Variants in CNTN5 observed in about 807,000 individuals in gnomAD.
CNTN5 encodes contactin-5.
Under a neutral mutation model 129.1 loss-of-function variants are expected in CNTN5, and 77 were observed. The observed-to-expected ratio is 0.60, with a 90% CI of 0.50 to 0.72. The LOEUF is 0.72. Ranked by LOEUF, CNTN5 falls within the 30% of genes least tolerant of loss-of-function variation. CNTN5 has a pLI of 0.00. For synonymous variants in CNTN5, 509 were observed against 465.6 expected (o/e 1.09, Z -1.20); for missense variants, 1,478 against 1,328.8 (o/e 1.11, Z -1.75).
At chr11:99,950,737 A>G (rs1249973565) in intron 7 of CNTN5, among the ~76,000 whole-genome samples, 4 of 152,194 alleles carry the variant, frequency 2.6e-5, no homozygotes, top group African/African-American at 4.8e-5. Context: ...CATGTTGAAC[A>G]CTCATTTAAG....
intron 3 of CNTN5, among the ~76,000 whole-genome samples, chr11:99,721,553 C>A (rs567210155): frequency 1.6e-4 from 24 of 152,196 alleles, no homozygotes; most frequent in African/African-American, 4.6e-4. Flanking sequence ...TAGGCAGTAC[C>A]ATCCTGGGCA....
At chr11:100,065,948 T>G (rs1342470834) in intron 10 of CNTN5, among the ~76,000 whole-genome samples, 1 of 152,100 alleles carries the variant, frequency 6.6e-6, no homozygotes, top group Non-Finnish European at 1.5e-5. Flanking sequence ...CTCTAGGAAA[T>G]GATATAAAAT....
At chr11:100,124,129 G>A (rs890724820) in intron 13 of CNTN5, among the ~76,000 whole-genome samples, 4 of 151,898 alleles carry the variant, frequency 2.6e-5, no homozygotes, top group African/African-American at 9.7e-5. Flanking sequence ...CCCTCTGAGG[G>A]CAGTACTGTT....
chr11:99,349,481 T>G (rs1938138455), intron 2 of CNTN5, among the ~76,000 whole-genome samples: 1 of 152,198 alleles, frequency 6.6e-6, no homozygotes, highest in Non-Finnish European at 1.5e-5. Context: ...TAATCTGACT[T>G]AGTCCTTACG....
intron 3 of CNTN5, among the ~76,000 whole-genome samples, chr11:99,743,412 GTAA>G (rs1020643758): frequency 2.0e-5 from 3 of 152,148 alleles, no homozygotes; most frequent in Non-Finnish European, 2.9e-5. Flanking sequence ...GAGGAAGTGT[GTAA>G]TAGTAGAACC....
intron 1 of CNTN5, among the ~76,000 whole-genome samples, chr11:99,251,597 A>G (rs192929162): frequency 2.0e-5 from 3 of 151,978 alleles, no homozygotes; most frequent in Non-Finnish European, 4.4e-5. Context: ...TTTCTCACCT[A>G]CGTAAGTATC....
At chr11:99,161,840 C>T (rs112885753) in intron 1 of CNTN5, among the ~76,000 whole-genome samples, 4,978 of 152,162 alleles carry the variant, frequency 0.033, 114 homozygotes, top group South Asian at 0.065. Flanking sequence ...ATCATATTGC[C>T]ACTGAGACTA....
At chr11:99,469,382 G>A (rs866547655) in intron 2 of CNTN5, among the ~76,000 whole-genome samples, 6 of 151,940 alleles carry the variant, frequency 3.9e-5, no homozygotes, top group Admixed American at 2.6e-4. Flanking sequence ...CTTACAGTCC[G>A]TAGAGATTGT....
chr11:100,133,320 A>T (rs1383047943), intron 13 of CNTN5, among the ~76,000 whole-genome samples: 2 of 152,080 alleles, frequency 1.3e-5, no homozygotes, highest in Non-Finnish European at 2.9e-5. Flanking sequence ...GAGAGGATTA[A>T]CTGTTCCATT....
At chr11:100,130,034 T>G (rs1011131450) in intron 13 of CNTN5, among the ~76,000 whole-genome samples, 1 of 152,142 alleles carries the variant, frequency 6.6e-6, no homozygotes, top group African/African-American at 2.4e-5. Flanking sequence ...TTTTTACTGA[T>G]GATGTTCTAT....
At chr11:99,808,807 C>T (rs1440308071) in intron 3 of CNTN5, among the ~76,000 whole-genome samples, 1 of 152,114 alleles carries the variant, frequency 6.6e-6, no homozygotes, top group Non-Finnish European at 1.5e-5. Flanking sequence ...GATGCTCCAA[C>T]ATGAGTTAGC....
intron 1 of CNTN5, among the ~76,000 whole-genome samples, chr11:99,029,608 A>C (rs1040394484): frequency 1.3e-5 from 2 of 152,152 alleles, no homozygotes; most frequent in East Asian, 3.9e-4. Flanking sequence ...AACAAAACAA[A>C]TGTGTAGGAA....
intron 1 of CNTN5, among the ~76,000 whole-genome samples, chr11:99,269,274 A>G (rs1306612117): frequency 6.6e-6 from 1 of 151,484 alleles, no homozygotes; most frequent in Non-Finnish European, 1.5e-5. Context: ...CTCCTGTGTT[A>G]TATTTATGTT....
intron 1 of CNTN5, among the ~76,000 whole-genome samples, chr11:99,057,782 ATAAGTGTG>A (rs1864685883): frequency 1.7e-5 from 2 of 120,566 alleles, no homozygotes; most frequent in Non-Finnish European, 3.4e-5. Flanking sequence ...AACATGAAAC[ATAAGTGTG>A]TGTGTGTGTG....
rs377477545 is a variant in CNTN5 at position 100,288,305 on chromosome 11, A to AT, written c.2315-9312dup. On this transcript the variant is annotated intron_variant, in intron 18 of 24. Transcript: ENST00000524871. ...TCCACCCCAAATCAACAGAATATAC[A>AT]TTTTTTTTCAGCACCACACCACACC... Among the ~76,000 whole-genome samples the AT allele has an allele frequency of 6.6e-5, 10 of 151,060 alleles. No individual in the cohort carries two copies. In the East Asian group the frequency reaches 1.6e-3, roughly 24 times the overall value.
chr11:99,714,065 G>T (rs1206079549), intron 3 of CNTN5, among the ~76,000 whole-genome samples: 2 of 151,760 alleles, frequency 1.3e-5, no homozygotes, highest in Non-Finnish European at 2.9e-5. Context: ...ATTCATAGAG[G>T]TTAAGAATGG....
At chr11:99,202,980 G>A (rs1187230766) in intron 1 of CNTN5, among the ~76,000 whole-genome samples, 2 of 151,526 alleles carry the variant, frequency 1.3e-5, no homozygotes, top group Admixed American at 6.6e-5. Flanking sequence ...AGAAAAGAAT[G>A]AATGAAAGAA....
intron 13 of CNTN5, among the ~76,000 whole-genome samples, chr11:100,120,952 AGTACTGTAG>A (rs1484949785): frequency 6.6e-6 from 1 of 151,920 alleles, no homozygotes; most frequent in Non-Finnish European, 1.5e-5. Context: ...TTATTTTTCC[AGTACTGTAG>A]GGGTGAAAGT....
chr11:99,668,994 C>T lies in CNTN5; in HGVS notation c.55+112725C>T, dbSNP rs529772537. ...CTGATTTTCTATCACCACAAGACTA[C>T]AATTTTGAAATATGTATTTTCTATT... On this transcript the variant is annotated intron_variant, in intron 3 of 24. Transcript: ENST00000524871. Among the ~76,000 whole-genome samples the T allele has an allele frequency of 2.6e-5, 4 of 152,256 alleles. No individual in the cohort carries two copies. In the East Asian group the frequency reaches 5.8e-4, roughly 22 times the overall value.
Sources: allele counts gnomAD v4.1 joint callset (sites outside exome capture counted in the v4.1 genomes callset), GRCh38; gene constraint gnomAD v4.1.1; transcripts MANE v1.5; gene names NCBI Gene and HGNC (gene_info 2026-07-23, HGNC 2026-07-21).